The following CTNNA2 variants were observed in gnomAD, a reference collection of about 807,000 sequenced individuals.
CTNNA2 encodes catenin alpha 2.
Under a neutral mutation model 101.0 loss-of-function variants are expected in CTNNA2, and 42 were observed. The observed-to-expected ratio is 0.42, with a 90% confidence interval of 0.32 to 0.54. The LOEUF (loss-of-function observed/expected upper bound fraction) is 0.54, where lower values mean the gene tolerates loss of function less well. CTNNA2 is among the 20% of genes least tolerant of loss of function. The pLI, the probability that CTNNA2 is intolerant of heterozygous loss-of-function variation, is 0.14. For missense variants in CTNNA2, 871 were observed against 1,223.1 expected, an observed-to-expected ratio of 0.71 and a Z score of 4.29; for synonymous variants, 450 against 456.4, an observed-to-expected ratio of 0.99 and a Z score of 0.18.
chr2:80,101,649 G>C (rs1386764954), intron 7 of CTNNA2, among the ~76,000 whole-genome samples: 1 of 152,140 alleles, frequency 6.6e-6, no homozygotes, highest in African/African-American at 2.4e-5. Context: ...TGTTATCAGC[G>C]GGATGCTTGC....
chr2:80,629,377 C>G (rs1260061658), intron 18 of CTNNA2, among the ~76,000 whole-genome samples: 1 of 152,156 alleles, frequency 6.6e-6, no homozygotes, highest in Admixed American at 6.5e-5. Flanking sequence ...GTGATTGTCA[C>G]ATTTCACTCT....
At chr2:80,148,147 C>T (rs1703468498) in intron 7 of CTNNA2, among the ~76,000 whole-genome samples, 1 of 152,088 alleles carries the variant, frequency 6.6e-6, no homozygotes, top group South Asian at 2.1e-4. Flanking sequence ...CTAAATGTCT[C>T]TATTTTCAGT....
intron 7 of CTNNA2, among the ~76,000 whole-genome samples, chr2:80,021,709 C>T (rs915975304): frequency 3.4e-5 from 5 of 149,162 alleles, no homozygotes; most frequent in Non-Finnish European, 7.4e-5. Context: ...GCCTCACACA[C>T]TTATCATTTT....
At chr2:80,157,244 C>A in intron 7 of CTNNA2, among the ~76,000 whole-genome samples, 1 of 152,100 alleles carries the variant, frequency 6.6e-6, no homozygotes, top group Non-Finnish European at 1.5e-5. Flanking sequence ...ACTACAGTTT[C>A]CAAAAATGCT....
intron 3 of CTNNA2, among the ~76,000 whole-genome samples, chr2:79,804,268 A>G (rs1676389679): frequency 6.6e-6 from 1 of 152,206 alleles, no homozygotes; most frequent in Non-Finnish European, 1.5e-5. Flanking sequence ...AAATTCCTAA[A>G]ATAGTATGTA....
intron 3 of CTNNA2, among the ~76,000 whole-genome samples, chr2:79,760,311 GTA>G (rs531738331): frequency 0.044 from 6,407 of 145,318 alleles, 267 homozygotes; most frequent in Admixed American, 0.14. Flanking sequence ...GTGTGTGTGT[GTA>G]TATAATCTTT....
intron 1 of CTNNA2, among the ~76,000 whole-genome samples, chr2:79,539,389 A>G (rs1195574027): frequency 1.3e-5 from 2 of 152,208 alleles, no homozygotes; most frequent in East Asian, 1.9e-4. Context: ...AGAAGGTGAT[A>G]TCTGTGGTCC....
chr2:80,082,092 G>T (rs751055616), intron 7 of CTNNA2, among the ~76,000 whole-genome samples: 1 of 152,066 alleles, frequency 6.6e-6, no homozygotes, highest in Admixed American at 6.6e-5. Context: ...ATATCTGGTT[G>T]CTCTGAACGT....
chr2:80,401,450 C>G (rs2149379898), intron 8 of CTNNA2, among the ~76,000 whole-genome samples: 1 of 152,280 alleles, frequency 6.6e-6, no homozygotes, highest in East Asian at 1.9e-4. Flanking sequence ...TCCTGTTACT[C>G]AGTTGGCTTG....
intron 9 of CTNNA2, among the ~76,000 whole-genome samples, chr2:80,544,594 C>T (rs1227758588): frequency 6.6e-6 from 1 of 152,112 alleles, no homozygotes; most frequent in South Asian, 2.1e-4. Flanking sequence ...TTGCCTGTAG[C>T]ATTCTTCTCA....
chr2:79,715,213 A>AAAAAC (rs1419448858), intron 2 of CTNNA2, among the ~76,000 whole-genome samples: 1 of 149,842 alleles, frequency 6.7e-6, no homozygotes, highest in African/African-American at 2.4e-5. Context: ...GTCAAAAAAA[A>AAAAAC]AAAAAAAAAA....
At chr2:79,601,411 C>T (rs368047019) in intron 1 of CTNNA2, among the ~76,000 whole-genome samples, 3 of 152,144 alleles carry the variant, frequency 2.0e-5, no homozygotes, top group South Asian at 4.1e-4. Context: ...GCAAGGTTGT[C>T]CTGATTCGAG....
At chr2:80,580,499 C>G (rs1695436383) in intron 13 of CTNNA2, among the ~76,000 whole-genome samples, 2 of 152,154 alleles carry the variant, frequency 1.3e-5, no homozygotes, top group Non-Finnish European at 2.9e-5. Flanking sequence ...GATCTAACTT[C>G]TGGTTCTTTA....
intron 7 of CTNNA2, among the ~76,000 whole-genome samples, chr2:80,048,501 T>A (rs950908038): frequency 2.0e-5 from 3 of 152,234 alleles, no homozygotes; most frequent in Non-Finnish European, 4.4e-5. Context: ...AGAGTCAGCA[T>A]AATTCTCAGG....
At chr2:79,772,461 CA>C (rs889080246) in intron 3 of CTNNA2, among the ~76,000 whole-genome samples, 4 of 152,126 alleles carry the variant, frequency 2.6e-5, no homozygotes, top group African/African-American at 9.7e-5. Flanking sequence ...GATAATAGTT[CA>C]GAAGTGGATG....
In CTNNA2 at chr2:80,095,098, G is replaced by T. The variant is rs554968331; in HGVS notation, c.1056+185301G>T. Among the ~76,000 whole-genome samples, 30 of 152,328 alleles carry T rather than the reference G, an allele frequency of 2.0e-4. No homozygotes were observed. In the East Asian group the frequency reaches 5.6e-3, roughly 28 times the overall value. Reference sequence around the variant, plus strand: ...TCTTGTGCCAGTTTTCAAAGGGAATGCTTCCAGTTATTGTCCATTCAGTAT... The same window carrying T: ...TCTTGTGCCAGTTTTCAAAGGGAATTCTTCCAGTTATTGTCCATTCAGTAT... On this transcript the variant is annotated intron_variant, in intron 7 of 18. Coordinates refer to ENST00000402739, the MANE Select transcript of CTNNA2 (RefSeq NM_001282597.3).
At chr2:79,229,488 G>T (rs979190767) in intron 2 of CTNNA2, among the ~76,000 whole-genome samples, 1 of 152,170 alleles carries the variant, frequency 6.6e-6, no homozygotes, top group Non-Finnish European at 1.5e-5. Context: ...CCATGATTGT[G>T]TGACCTTCCC....
In CTNNA2 at chr2:80,302,989, C is replaced by T. The variant is rs181897544; in HGVS notation, c.1057-90222C>T. On this transcript the variant is annotated intron_variant, in intron 7 of 18. Coordinates refer to ENST00000402739, the MANE Select transcript of CTNNA2 (RefSeq NM_001282597.3). This position sits in a 1 kb window ranked among gnomAD's most constrained non-coding sequence, Gnocchi z 6.4. ...GCAGGGACTGCAGGTGCGGCACGGT[C>T]TCGAACACATGGGGCTCCATGTACT... The T allele has an allele frequency of 3.3e-5, 54 of 1,612,758 alleles. No individual in the cohort carries two copies. In the African/African-American group the frequency reaches 7.0e-4, roughly 21 times the overall value.
At chr2:79,988,510 C>T (rs1379312018) in intron 7 of CTNNA2, among the ~76,000 whole-genome samples, 1 of 146,658 alleles carries the variant, frequency 6.8e-6, no homozygotes, top group African/African-American at 2.6e-5. Context: ...GTATTAGCTT[C>T]TATGTGAGGA....
Sources: gnomAD v4.1 joint callset for allele counts (sites outside exome capture counted in the v4.1 genomes callset) on GRCh38, gnomAD v4.1.1 for gene constraint, Gnocchi (gnomAD v3.1) non-coding constraint, MANE v1.5 for transcripts, NCBI Gene and HGNC (gene_info 2026-07-23, HGNC 2026-07-21) for gene names.